The following UBE3B variants were observed in gnomAD, a reference collection of about 807,000 sequenced individuals.
The protein encoded by UBE3B is ubiquitin-protein ligase E3B.
In UBE3B, 80 loss-of-function variants were observed where a neutral mutation model predicts 132.3. That is an observed-to-expected ratio of 0.60 (90% CI 0.50 to 0.73). The LOEUF (loss-of-function observed/expected upper bound fraction) is 0.73. Ranked by LOEUF, UBE3B falls within the 30% of genes least tolerant of loss-of-function variation. The probability of loss-of-function intolerance (pLI) is 0.00; values close to 1 mark genes in which losing one functional copy is unlikely to be tolerated. For missense variants in UBE3B, 1,196 were observed against 1,362.5 expected (o/e 0.88, Z 1.92); for synonymous variants, 487 against 520.4 (o/e 0.94, Z 0.87).
intron 18 of UBE3B, among the ~76,000 whole-genome samples, chr12:109,512,379 A>AC (rs1202063234): frequency 6.6e-6 from 1 of 151,984 alleles, no homozygotes; most frequent in Non-Finnish European, 1.5e-5. Context: ...AGTGCCACAC[A>AC]CCCGGGGGAT....
intron 9 of UBE3B, chr12:109,492,429 CAGTT>C (rs1232144865): frequency 3.4e-5 from 5 of 146,072 alleles, no homozygotes; most frequent in Admixed American, 6.7e-5. Flanking sequence ...GATGGAAACA[CAGTT>C]AGAGCCACAT....
At chr12:109,502,548 C>G (rs1204232159) in intron 13 of UBE3B, among the ~76,000 whole-genome samples, 1 of 152,200 alleles carries the variant, frequency 6.6e-6, no homozygotes, top group Non-Finnish European at 1.5e-5. Flanking sequence ...GCAAATGTGA[C>G]TCCAGCAGGA....
intron 13 of UBE3B, among the ~76,000 whole-genome samples, chr12:109,502,350 C>T (rs1369062097): frequency 3.3e-5 from 5 of 152,306 alleles, no homozygotes; most frequent in African/African-American, 1.2e-4. Context: ...TTTCCTATCG[C>T]AGGGTCAGTA....
At chr12:109,523,578 C>T (rs1437809088) in intron 21 of UBE3B, among the ~76,000 whole-genome samples, 1 of 152,226 alleles carries the variant, frequency 6.6e-6, no homozygotes, top group Non-Finnish European at 1.5e-5. Flanking sequence ...AGAGCTTATC[C>T]TCTGTGCTCC....
intron 9 of UBE3B, among the ~76,000 whole-genome samples, chr12:109,493,806 A>G (rs1566082031): frequency 6.6e-6 from 1 of 152,148 alleles, no homozygotes; most frequent in Non-Finnish European, 1.5e-5. Context: ...CTGACTCCTC[A>G]CCACATTCTC....
rs2136152493 is a variant in UBE3B, at chr12:109,534,079, A to C, written c.3016-512A>C. ...TGCTCAAATGAGAGTCCTACTCCCC[A>C]TAAAAACCCAGTGGCCGCCTCTGGG... On this transcript the variant is annotated intron_variant, in intron 27 of 27. Transcript: ENST00000342494. This position sits in a 1 kb window ranked among gnomAD's most constrained non-coding sequence, Gnocchi z 5.2. The C allele has an allele frequency of 7.7e-7, 1 of 1,294,376 alleles. No individual in the cohort carries two copies. Among genetic ancestry groups the C allele is most frequent in the South Asian group, 1.2e-5 (1 of 81,050 alleles). The allele number at this position is 1,294,376 out of a possible 1,614,324, so 80.2% of individuals were successfully genotyped here.
At chr12:109,536,716 C>A (rs1422207288), downstream of UBE3B, 1 of 152,198 alleles carries the variant, frequency 6.6e-6, no homozygotes, top group African/African-American at 2.4e-5. Context: ...TGGCTGCGTT[C>A]TGCATTTCAT....
Position 109,522,215 on chromosome 12 carries a change from C to T in UBE3B, c.2364+664C>T, listed in dbSNP as rs903400714. On this transcript the variant is annotated intron_variant, in intron 21 of 27. Transcript: ENST00000342494. This position sits in a 1 kb window ranked among gnomAD's most constrained non-coding sequence, Gnocchi z 4.2. ...TCTACGGTGCCCAGCCAGCTGCTCA[C>T]ACCAGGTGGATCGGAGCAGTCATCC... 6.6e-6 allele frequency among the ~76,000 whole-genome samples: 1 copy of T among 152,188 alleles called. No individual in the cohort carries two copies. Among genetic ancestry groups the T allele is most frequent in the Non-Finnish European group, 1.5e-5 (1 of 68,044 alleles).
chr12:109,510,369 G>A lies in UBE3B; in HGVS notation c.1767G>A (p.Glu589=). 6.2e-7 allele frequency: 1 copy of A among 1,611,224 alleles called. No individual in the cohort carries two copies. Among genetic ancestry groups the A allele is most frequent in the Non-Finnish European group, 8.5e-7 (1 of 1,178,854 alleles). The change falls in exon 17 of 28, where the codon GAG becomes GAA. Residue 589 remains glutamate, a synonymous_variant. Transcript: ENST00000342494. ...AGAACGCCAAGGGTGAGACCTTGGA[G>A]CTGTTCCAGTCTGTCCACGGGTGGC... ...IVENAKGETL[E]LFQSVHGWLM...
intron 10 of UBE3B, 25 bp downstream of exon 10, chr12:109,497,948 G>A (rs375050551): frequency 5.8e-5 from 93 of 1,608,478 alleles, no homozygotes; most frequent in Middle Eastern, 3.3e-4. Context: ...TGAGTTCCCC[G>A]TGAAAACCCA....
chr12:109,510,576 C>G (rs908063968), intron 17 of UBE3B, 118 bp downstream of exon 17: 3 of 806,610 alleles, frequency 3.7e-6, no homozygotes, highest in Non-Finnish European at 6.0e-6. Context: ...TTCATTTTGT[C>G]TGTTCATTTG....
chr12:109,495,670 G>C lies in UBE3B; in HGVS notation c.714-2148G>C, dbSNP rs928600467. Among the ~76,000 whole-genome samples the C allele has an allele frequency of 9.2e-5, 14 of 152,210 alleles. 1 individual carries two copies. The highest frequency in any genetic ancestry group is 8.5e-4 in the Admixed American group (13 of 15,278). ...GCCAGTGATAAGCATTGTTTCTATA[G>C]ATTATAGATTAACTAAAAGTATTCC... On this transcript the variant is annotated intron_variant, in intron 9 of 27. Transcript: ENST00000342494.
Position 109,516,796 on chromosome 12 carries a change from A to G in UBE3B, c.1988A>G (p.Lys663Arg), listed in dbSNP as rs767702458. Residue 663 changes from lysine to arginine, a missense_variant, in exon 19 of 28, where the codon AAG (lysine) becomes AGG (arginine). By Grantham distance (26) the Lys-to-Arg change is conservative. Transcript: ENST00000342494. ...RVLLFRTMVT[K>R]EKEKLGLVET... ...CTACTGTTTCGAACCATGGTTACCA[A>G]GGAGAAGGAGAAACTGGGGCTGGTG... 2 of 1,614,044 alleles carry G rather than the reference A, an allele frequency of 1.2e-6. No individual in the cohort carries two copies. Among genetic ancestry groups the G allele is most frequent in the Admixed American group, 3.3e-5 (2 of 60,014 alleles).
chr12:109,497,728 T>G, intron 9 of UBE3B, 90 bp from the exon 10 acceptor site: 2 of 1,295,984 alleles, frequency 1.5e-6, no homozygotes, highest in Non-Finnish European at 2.2e-6. Flanking sequence ...CAGAATAATT[T>G]CTAGGAATTT....
At chr12:109,496,148 A>G (rs1878176247) in intron 9 of UBE3B, among the ~76,000 whole-genome samples, 1 of 152,252 alleles carries the variant, frequency 6.6e-6, no homozygotes, top group Non-Finnish European at 1.5e-5. Flanking sequence ...GACATCTCAC[A>G]TAAATGGAAT....
chr12:109,527,403 G>A (rs946339077), intron 24 of UBE3B, among the ~76,000 whole-genome samples: 1 of 152,198 alleles, frequency 6.6e-6, no homozygotes, highest in African/African-American at 2.4e-5. Context: ...GCTCAGTTGA[G>A]CATTTGAACT....
At chr12:109,497,752 G>A (rs999663631) in intron 9 of UBE3B, 66 bp from the exon 10 acceptor site, 4 of 1,482,772 alleles carry the variant, frequency 2.7e-6, no homozygotes, top group Non-Finnish European at 3.8e-6. Context: ...CACGTTGGTG[G>A]GGTTGTGCTT....
intron 6 of UBE3B, among the ~76,000 whole-genome samples, chr12:109,487,886 G>A (rs1331312657): frequency 2.0e-5 from 3 of 152,144 alleles, no homozygotes; most frequent in Admixed American, 6.5e-5. Context: ...CTCCAAGGTT[G>A]TCTCCAAGGT....
intron 23 of UBE3B, 46 bp from the exon 24 acceptor site, chr12:109,526,311 TC>T (rs770282528): frequency 3.1e-6 from 5 of 1,596,524 alleles, no homozygotes; most frequent in African/African-American, 1.3e-5. Context: ...AAGCTTTATT[TC>T]CCCATTAGAG....
Sources: allele counts gnomAD v4.1 joint callset (sites outside exome capture counted in the v4.1 genomes callset), GRCh38; gene constraint gnomAD v4.1.1; non-coding constraint Gnocchi (gnomAD v3.1); transcripts MANE v1.5; gene names NCBI Gene and HGNC (gene_info 2026-07-23, HGNC 2026-07-21).